SLC5A9: variants seen among roughly 807,000 people sequenced by gnomAD.
SLC5A9 encodes the protein solute carrier family 5 member 9.
SLC5A9 carries 59 observed loss-of-function variants against 70.9 expected under a neutral mutation model. The observed-to-expected ratio is 0.83, with a 90% CI of 0.68 to 1.03. The LOEUF is 1.03. Ranked by LOEUF, SLC5A9 falls within the 50% of genes least tolerant of loss-of-function variation. The probability of loss-of-function intolerance (pLI) is 0.00; values close to 1 mark genes in which losing one functional copy is unlikely to be tolerated. For missense variants in SLC5A9, 832 were observed against 881.1 expected, an observed-to-expected ratio of 0.94 and a Z score of 0.71; for synonymous variants, 340 against 346.5, an observed-to-expected ratio of 0.98 and a Z score of 0.21.
Position 48,244,878 on chromosome 1 carries a change from G to GTGTGTGTATA in SLC5A9, c.1837+2263_1837+2264insGTGTGTATAT, listed in dbSNP as rs1391896495. Among the ~76,000 whole-genome samples the GTGTGTGTATA allele has an allele frequency of 3.1e-4, 9 of 29,396 alleles. 3 individuals carry two copies. Among genetic ancestry groups the GTGTGTGTATA allele is most frequent in the Admixed American group, 1.4e-3 (2 of 1,438 alleles). The allele number at this position is 29,396 out of a possible 152,430, so 19.3% of individuals were successfully genotyped here. A position where few individuals can be genotyped will look rare whatever the true frequency, so the allele number is the denominator to read the frequency against. On this transcript the variant is annotated intron_variant, in intron 13 of 13. Transcript: ENST00000438567. The stretch of plus-strand genomic sequence containing the variant: ...TGTGTGTGTGTATGTATGTGTATGT[G>GTGTGTGTATA]TATATATATATATATATATATATAT...
intron 2 of SLC5A9, among the ~76,000 whole-genome samples, chr1:48,227,418 G>T (rs1375220975): frequency 7.6e-6 from 1 of 131,376 alleles, no homozygotes; most frequent in Non-Finnish European, 1.7e-5. Context: ...GGGCGTGAGT[G>T]CATGTGTGTC....
In SLC5A9 at chr1:48,247,437, A is replaced by T. The variant is rs1480571782; in HGVS notation, c.1940A>T (p.Gln647Leu). 1 of 1,614,072 alleles carries T rather than the reference A, an allele frequency of 6.2e-7. No homozygotes were observed. Among genetic ancestry groups the T allele is most frequent in the Non-Finnish European group, 8.5e-7 (1 of 1,180,038 alleles). ...LSPAEKAALE[Q>L]KLTSIEEEPL... ...CCAGCAGAGAAGGCTGCGCTAGAAC[A>T]GAAGCTGACAAGCATTGAGGAGGAG... The change falls in exon 14 of 14, where the codon CAG (glutamine) becomes CTG (leucine). Residue 647 changes from glutamine (Q) to leucine (L), a missense_variant. Gln to Leu is a moderately radical substitution (Grantham distance 113). Transcript: ENST00000438567.
At position 48,222,868 on chromosome 1, in the gene SLC5A9, C is replaced by T. The variant is rs1431817601; in HGVS notation, c.132C>T (p.Tyr44=). Residue 44 remains tyrosine (Y), a synonymous_variant, in exon 1 of 14, where the codon TAC becomes TAT. Coordinates refer to ENST00000438567, the MANE Select transcript of SLC5A9 (RefSeq NM_001011547.3). ...HAYDISVVVI[Y]FVFVIAVGIW... ...ACGACATCAGCGTGGTGGTCATCTA[C>T]TTTGTCTTCGTCATTGCTGTGGGGA... 1.2e-6 allele frequency: 2 copies of T among 1,614,114 alleles called. No individual in the cohort carries two copies. Among genetic ancestry groups the T allele is most frequent in the Non-Finnish European group, 1.7e-6 (2 of 1,180,018 alleles).
chr1:48,232,956 AAGG>A lies in SLC5A9; in HGVS notation c.1033+468_1033+470del, dbSNP rs372531668. On this transcript the variant is annotated intron_variant, in intron 8 of 13. Transcript: ENST00000438567. ...AAGAAAAGAAGAAGAAGAAGAAAAA[AAGG>A]AGGAGGAGGAGGAAAGAAAAGGAAG... 6.2e-4 allele frequency among the ~76,000 whole-genome samples: 88 copies of A among 142,528 alleles called. 1 individual carries two copies. The highest frequency in any genetic ancestry group is 1.3e-3 in the African/African-American group (51 of 39,492). 93.5% of individuals were successfully genotyped at this position (142,528 alleles called of 152,430 possible).
intron 4 of SLC5A9, 145 bp downstream of exon 4, chr1:48,229,604 T>C (rs897601841): frequency 2.2e-6 from 3 of 1,349,482 alleles, no homozygotes; most frequent in East Asian, 2.4e-5. Flanking sequence ...ATTTAATGCA[T>C]GTTCTGCCTC....
At chr1:48,244,067 T>A (rs1400178478) in intron 13 of SLC5A9, among the ~76,000 whole-genome samples, 3 of 152,186 alleles carry the variant, frequency 2.0e-5, no homozygotes, top group African/African-American at 7.2e-5. Flanking sequence ...GTTTATAACG[T>A]CCAGGCAGAG....
rs749251662 is a variant in SLC5A9, at chr1:48,247,341, G to A, written c.1844G>A (p.Ser615Asn). 3 of 1,613,672 alleles carry A rather than the reference G, an allele frequency of 1.9e-6. No homozygotes were observed. Among genetic ancestry groups the A allele is most frequent in the African/African-American group, 1.3e-5 (1 of 74,860 alleles). ...TCTGGCTTTGTCCCTCCAGCCCCAA[G>A]CAGGTCCTGGGGAAAGTTGCTCTGG... is the stretch of plus-strand genomic sequence containing the variant. ...SLGQEQPEAP[S>N]RSWGKLLWSW... Residue 615 changes from serine to asparagine, a missense_variant, in exon 14 of 14, where the codon AGC (serine) becomes AAC (asparagine). Ser to Asn is a conservative substitution (Grantham distance 46). Coordinates refer to ENST00000438567, the MANE Select transcript of SLC5A9 (RefSeq NM_001011547.3).
At chr1:48,230,541 C>T (rs954394337) in intron 4 of SLC5A9, 59 bp from the exon 5 acceptor site, 1 of 1,160,852 alleles carries the variant, frequency 8.6e-7, no homozygotes, top group Non-Finnish European at 1.3e-6. Flanking sequence ...GTGATGTGTC[C>T]ATACAACCCT....
rs1644349083 is a variant in SLC5A9, at chr1:48,237,838, C to G, written c.1452C>G (p.Val484=). Residue 484 remains valine, a synonymous_variant, in exon 11 of 14, where the codon GTC becomes GTG. Transcript: ENST00000438567. ...LFLLAIFCKR[V]TEPGAFWGLV... Reference sequence around the variant, plus strand: ...TGCTGGCCATCTTCTGCAAGAGGGTCACAGAGCCCGTGAGTGCAGTGTACC... The same window carrying G: ...TGCTGGCCATCTTCTGCAAGAGGGTGACAGAGCCCGTGAGTGCAGTGTACC... 1.2e-6 allele frequency: 2 copies of G among 1,614,058 alleles called. No individual in the cohort carries two copies. Among genetic ancestry groups the G allele is most frequent in the Admixed American group, 1.7e-5 (1 of 60,020 alleles).
At chr1:48,243,627 T>A (rs1644417169) in intron 13 of SLC5A9, among the ~76,000 whole-genome samples, 1 of 152,142 alleles carries the variant, frequency 6.6e-6, no homozygotes, top group South Asian at 2.1e-4. Flanking sequence ...TCTATAAAGC[T>A]CTACCTGGGT....
chr1:48,223,052 A>G (rs1284390408), intron 1 of SLC5A9, among the ~76,000 whole-genome samples, 154 bp downstream of exon 1: 2 of 151,918 alleles, frequency 1.3e-5, no homozygotes, highest in Non-Finnish European at 2.9e-5. Context: ...CAGGCTCCTG[A>G]TCTCCTCATT....
At chr1:48,244,145 G>A (rs55882331) in intron 13 of SLC5A9, among the ~76,000 whole-genome samples, 2 of 152,180 alleles carry the variant, frequency 1.3e-5, no homozygotes, top group Admixed American at 1.3e-4. Context: ...AGAGGTCTCA[G>A]TGCCTGGACG....
chr1:48,241,961 C>G, intron 12 of SLC5A9: 1 of 456,280 alleles, frequency 2.2e-6, no homozygotes. Context: ...TTATTTTTGG[C>G]TTCACTTTTA....
Position 48,233,757 on chromosome 1 carries a change from C to T in SLC5A9, c.1136C>T (p.Pro379Leu), listed in dbSNP as rs369126505. Residue 379 changes from proline to leucine, a missense_variant, in exon 9 of 14, where the codon CCT becomes CTT. Coordinates refer to ENST00000438567, the MANE Select transcript of SLC5A9 (RefSeq NM_001011547.3). ...CCTAAGTTGGTCATGGCCCTCATGC[C>T]TGTTGGTGAGTCTCTTCTCCCCACC... ...AYPKLVMALM[P>L]VGLRGLMIAV... The T allele has an allele frequency of 2.5e-6, 4 of 1,612,010 alleles. No individual in the cohort carries two copies. Among genetic ancestry groups the T allele is most frequent in the Non-Finnish European group, 3.4e-6 (4 of 1,178,360 alleles).
intron 2 of SLC5A9, among the ~76,000 whole-genome samples, chr1:48,225,608 C>A (rs1011887433): frequency 2.6e-5 from 4 of 152,116 alleles, no homozygotes; most frequent in African/African-American, 4.8e-5. Context: ...TCACACACGG[C>A]ATGTGTGCAT....
intron 2 of SLC5A9, among the ~76,000 whole-genome samples, chr1:48,226,849 C>G (rs1448511807): frequency 1.3e-5 from 2 of 152,190 alleles, no homozygotes; most frequent in African/African-American, 4.8e-5. Flanking sequence ...GAGGCTTCTT[C>G]CCCTGAAGTA....
chr1:48,245,448 G>T (rs1173185847), intron 13 of SLC5A9, among the ~76,000 whole-genome samples: 2 of 152,158 alleles, frequency 1.3e-5, no homozygotes, highest in African/African-American at 4.8e-5. Context: ...GAAAAAGGAG[G>T]CACCAAGTCA....
At chr1:48,237,023 A>G (rs1365601255) in intron 10 of SLC5A9, among the ~76,000 whole-genome samples, 2 of 152,124 alleles carry the variant, frequency 1.3e-5, no homozygotes, top group African/African-American at 4.8e-5. Flanking sequence ...CATTTCCTCA[A>G]TCAGTGAGGT....
In SLC5A9 at chr1:48,237,758, G is replaced by A. The variant is rs368141578; in HGVS notation, c.1372G>A (p.Asp458Asn). The A allele has an allele frequency of 8.0e-5, 129 of 1,613,912 alleles. 1 individual carries two copies. The highest frequency in any genetic ancestry group is 4.9e-4 in the Middle Eastern group (3 of 6,084). ...IQSSNSGQLFDYIQAVTSYLA... is the reference protein window; with the variant it reads ...IQSSNSGQLFNYIQAVTSYLA... ...AAGCTCCAACAGTGGGCAGCTCTTC[G>A]ACTACATCCAGGCTGTCACCAGTTA... Residue 458 changes from aspartate to asparagine, a missense_variant, in exon 11 of 14, where the codon GAC (aspartate) becomes AAC (asparagine). Coordinates refer to ENST00000438567, the MANE Select transcript of SLC5A9 (RefSeq NM_001011547.3).
Sources: gnomAD v4.1 joint callset for allele counts (sites outside exome capture counted in the v4.1 genomes callset) on GRCh38, gnomAD v4.1.1 for gene constraint, MANE v1.5 for transcripts, NCBI Gene and HGNC (gene_info 2026-07-23, HGNC 2026-07-21) for gene names.